Variants in LY9 observed in about 807,000 individuals in gnomAD.
LY9 encodes the protein T-lymphocyte surface antigen Ly-9.
LY9 carries 59 observed loss-of-function variants against 64.6 expected under a neutral mutation model. That is an observed-to-expected ratio of 0.91 (90% CI 0.74 to 1.13). The LOEUF (loss-of-function observed/expected upper bound fraction) is 1.13. Among genes scored for constraint, LY9 ranks in the 50% most tolerant of loss-of-function variants. LY9 has a pLI of 0.00. For missense variants in LY9, 789 were observed against 797.2 expected, an observed-to-expected ratio of 0.99 and a Z score of 0.12; for synonymous variants, 281 against 308.5, an observed-to-expected ratio of 0.91 and a Z score of 0.93.
intron 2 of LY9, chr1:160,812,511 G>A (rs1361091496): frequency 6.6e-6 from 1 of 152,176 alleles, no homozygotes; most frequent in African/African-American, 2.4e-5. Flanking sequence ...AATAGAATTA[G>A]AATGAATCAA....
Position 160,816,831 on chromosome 1 carries a change from C to G in LY9, c.1310C>G (p.Ser437Cys), listed in dbSNP as rs199688790. The G allele has an allele frequency of 2.5e-6, 4 of 1,614,244 alleles. No homozygotes were observed. The African/African-American group carries it at 5.3e-5, about 22-fold the overall frequency. ...GCCAGCAACCCTGTCAGCAGGAGTT[C>G]CCACCAGTTTCTTTCTGAGAACATC... is the stretch of plus-strand genomic sequence containing the variant. ...CTASNPVSRS[S>C]HQFLSENICS... Residue 437 changes from serine (S) to cysteine (C), a missense_variant, in exon 5 of 10, where the codon TCC becomes TGC. Physicochemically the swap from Ser to Cys is moderately radical, Grantham distance 112. Transcript: ENST00000263285.
At chr1:160,800,963 G>T (rs533707683) in intron 2 of LY9, among the ~76,000 whole-genome samples, 54 of 152,112 alleles carry the variant, frequency 3.6e-4, no homozygotes, top group Admixed American at 3.2e-3. Flanking sequence ...CCATTCTTCC[G>T]CTAAGGGACA....
chr1:160,816,862 A>G lies in LY9; in HGVS notation c.1341A>G (p.Ser447=). The change falls in exon 5 of 10, where the codon TCA becomes TCG. Residue 447 remains serine (S), a splice_region_variant and synonymous_variant. Coordinates refer to ENST00000263285, the MANE Select transcript of LY9 (RefSeq NM_002348.4). ...SHQFLSENIC[S]GPERNTKLWI... Reference sequence around the variant, plus strand: ...AGTTTCTTTCTGAGAACATCTGTTCAGGTTTCTCTCCATCTCTATTTACTC... The same window carrying G: ...AGTTTCTTTCTGAGAACATCTGTTCGGGTTTCTCTCCATCTCTATTTACTC... 6 of 1,614,172 alleles carry G rather than the reference A, an allele frequency of 3.7e-6. No homozygotes were observed. Among genetic ancestry groups the G allele is most frequent in the Non-Finnish European group, 5.1e-6 (6 of 1,180,004 alleles).
chr1:160,827,753 G>A lies in LY9; in HGVS notation c.1905G>A (p.Val635=). 7 of 1,607,012 alleles carry A rather than the reference G, an allele frequency of 4.4e-6. No homozygotes were observed. The highest frequency in any genetic ancestry group is 5.1e-6 in the Non-Finnish European group (6 of 1,176,950). Residue 635 remains valine, a synonymous_variant, in exon 10 of 10, where the codon GTG becomes GTA. Transcript: ENST00000263285. ...TGTGGATTTTTGGCTCACAGGTGGTGCCACCACCACAACAGAATGATCTTG... is the reference window on the plus strand; with the variant it reads ...TGTGGATTTTTGGCTCACAGGTGGTACCACCACCACAACAGAATGATCTTG... ...IYCSIRKPQV[V]PPPQQNDLEI...
At position 160,796,248 on chromosome 1, in the gene LY9, CAG is replaced by C; in HGVS notation, c.64_65del (p.Arg22GlufsTer54). 1 of 1,614,068 alleles carries C rather than the reference CAG, an allele frequency of 6.2e-7. No homozygotes were observed. Among genetic ancestry groups the C allele is most frequent in the Non-Finnish European group, 8.5e-7 (1 of 1,179,984 alleles). On this transcript the variant is annotated frameshift_variant, in exon 1 of 10. Transcript: ENST00000263285. LOFTEE classifies it high-confidence loss of function. ...WAPGPFSSKPQRSQLQIFSSV... is the reference protein window; with the variant it reads ...WAPGPFSSKPXRSQLQIFSSV... ...TCCTGGGCCTTTCTCCAGTAAGCCA[CAG>C]AGGAGTCAGCTGCAAATATTCTCTT...
Position 160,828,004 on chromosome 1 carries a change from A to T in LY9, c.*188A>T, listed in dbSNP as rs1175220347. 2.3e-6 allele frequency: 1 copy of T among 442,906 alleles called. No individual in the cohort carries two copies. The highest frequency in any genetic ancestry group is 3.7e-5 in the East Asian group (1 of 26,984). The allele number at this position is 442,906 out of a possible 1,614,324, so 27.4% of individuals were successfully genotyped here. ...TCCCAAACCCATTAATAGTTCAGACACAGGCTCCTTCTTGGAGCCTATGGG... is the reference window on the plus strand; with the variant it reads ...TCCCAAACCCATTAATAGTTCAGACTCAGGCTCCTTCTTGGAGCCTATGGG... On this transcript the variant is annotated 3_prime_UTR_variant, in exon 10 of 10. Coordinates refer to ENST00000263285, the MANE Select transcript of LY9 (RefSeq NM_002348.4).
intron 9 of LY9, 145 bp downstream of exon 9, chr1:160,824,394 C>T (rs1668728757): frequency 7.0e-7 from 1 of 1,432,866 alleles, no homozygotes; most frequent in South Asian, 1.6e-5. Flanking sequence ...ATTCCATGGT[C>T]AACAGAGATG....
chr1:160,824,244 C>A lies in LY9; in HGVS notation c.1894C>A (p.Pro632Thr). The A allele has an allele frequency of 1.2e-6, 2 of 1,614,182 alleles. No individual in the cohort carries two copies. Among genetic ancestry groups the A allele is most frequent in the Non-Finnish European group, 1.7e-6 (2 of 1,180,020 alleles). The part of the protein sequence containing the change: ...SATIYCSIRK[P>T]QVVPPPQQND... ...CACAATCTACTGCTCCATACGGAAACCTCAGGTGGTGAGAACTACATTCTC... is the reference window on the plus strand; with the variant it reads ...CACAATCTACTGCTCCATACGGAAAACTCAGGTGGTGAGAACTACATTCTC... The change falls in exon 9 of 10, where the codon CCT (proline) becomes ACT (threonine). Residue 632 changes from proline (P) to threonine (T), a missense_variant. Pro to Thr is a conservative substitution (Grantham distance 38). Coordinates refer to ENST00000263285, the MANE Select transcript of LY9 (RefSeq NM_002348.4).
intron 2 of LY9, chr1:160,802,163 G>T (rs1666559050): frequency 1.6e-6 from 2 of 1,276,564 alleles, no homozygotes; most frequent in African/African-American, 3.1e-5. Context: ...CGCAGGAACC[G>T]GGCTGGGCCT....
chr1:160,816,670 C>A lies in LY9; in HGVS notation c.1149C>A (p.Cys383Ter). The A allele has an allele frequency of 6.2e-7, 1 of 1,614,180 alleles. No individual in the cohort carries two copies. Among genetic ancestry groups the A allele is most frequent in the Non-Finnish European group, 8.5e-7 (1 of 1,180,002 alleles). Residue 383 changes from cysteine (C) to a stop codon, truncating the protein, a stop_gained, in exon 5 of 10, where the codon TGC becomes TGA. Coordinates refer to ENST00000263285, the MANE Select transcript of LY9 (RefSeq NM_002348.4). LOFTEE classifies it high-confidence loss of function. ...GCATCTGCAGGATCAGCCTGACCTG[C>A]TCCGTGGAGGACGGGGGAAACACTG... is the stretch of plus-strand genomic sequence containing the variant. ...EDGICRISLT[C>*]SVEDGGNTVM...
intron 2 of LY9, among the ~76,000 whole-genome samples, chr1:160,806,090 TA>T (rs1260607710): frequency 6.6e-6 from 1 of 152,156 alleles, no homozygotes; most frequent in Non-Finnish European, 1.5e-5. Flanking sequence ...TTCATGTAAT[TA>T]ACATATAGAT....
At chr1:160,816,158 G>A (rs541491408) in intron 4 of LY9, among the ~76,000 whole-genome samples, 1 of 152,134 alleles carries the variant, frequency 6.6e-6, no homozygotes, top group Non-Finnish European at 1.5e-5. Flanking sequence ...AACATTTATT[G>A]AACATTTACT....
chr1:160,802,025 A>G, intron 2 of LY9: 3 of 1,471,294 alleles, frequency 2.0e-6, no homozygotes, highest in South Asian at 1.4e-5. Context: ...GCCCAGTGCC[A>G]CTGCCCCCCG....
rs1249915968 is a variant in LY9 at position 160,823,701 on chromosome 1, G to A, written c.1735G>A (p.Gly579Ser). The A allele has an allele frequency of 1.2e-6, 2 of 1,614,138 alleles. No individual in the cohort carries two copies. The highest frequency in any genetic ancestry group is 1.6e-4 in the Middle Eastern group (1 of 6,062). ...EGAGHDPAPE[G>S]QADYDPVTPY... ...CGCTGGACATGACCCAGCCCCTGAG[G>A]GCCAAGCAGACTATGATCCCGTCAC... is the stretch of plus-strand genomic sequence containing the variant. The change falls in exon 8 of 10, where the codon GGC (glycine) becomes AGC (serine). Residue 579 changes from glycine (G) to serine (S), a missense_variant. By Grantham distance (56) the Gly-to-Ser change is moderately conservative (BLOSUM62 0). Coordinates refer to ENST00000263285, the MANE Select transcript of LY9 (RefSeq NM_002348.4).
rs556560012 is a variant in LY9 at position 160,808,276 on chromosome 1, G to A, written c.455-5360G>A. Among the ~76,000 whole-genome samples the A allele has an allele frequency of 1.2e-4, 19 of 152,278 alleles. No homozygotes were observed. In the South Asian group the frequency reaches 3.9e-3, roughly 32 times the overall value. On this transcript the variant is annotated intron_variant, in intron 2 of 9. Transcript: ENST00000263285. ...TGCTACTTAGCTCTACCTGCAGAGT[G>A]CTCCCAATCCATACTCTAGTCTTGG... is the stretch of plus-strand genomic sequence containing the variant.
chr1:160,822,409 A>G (rs1227805317), intron 7 of LY9, among the ~76,000 whole-genome samples: 1 of 151,948 alleles, frequency 6.6e-6, no homozygotes, highest in Non-Finnish European at 1.5e-5. Flanking sequence ...ATGCAAATGG[A>G]TTTTCCAGTT....
At chr1:160,813,583 C>T in intron 2 of LY9, 53 bp from the exon 3 acceptor site, 2 of 1,572,852 alleles carry the variant, frequency 1.3e-6, no homozygotes, top group Non-Finnish European at 1.7e-6. Context: ...TCTCTCAGCG[C>T]TTTCCTGCTG....
intron 1 of LY9, 184 bp from the exon 2 acceptor site, chr1:160,799,569 G>A (rs1024290585): frequency 5.3e-6 from 3 of 565,628 alleles, no homozygotes; most frequent in East Asian, 2.9e-5. Context: ...AAGGGAGACA[G>A]TGTTTGGGGA....
At chr1:160,802,029 C>T (rs1383038025) in intron 2 of LY9, 3 of 1,455,034 alleles carry the variant, frequency 2.1e-6, no homozygotes, top group African/African-American at 1.4e-5. Flanking sequence ...AGTGCCACTG[C>T]CCCCCGAGGC....
Sources: allele counts gnomAD v4.1 joint callset (sites outside exome capture counted in the v4.1 genomes callset), GRCh38; gene constraint gnomAD v4.1.1; transcripts MANE v1.5; gene names NCBI Gene and HGNC (gene_info 2026-07-23, HGNC 2026-07-21).